HHAT: variants seen among roughly 807,000 people sequenced by gnomAD.
HHAT encodes protein-cysteine N-palmitoyltransferase HHAT.
In HHAT, 47 loss-of-function variants were observed where a neutral mutation model predicts 70.8. That is an observed-to-expected ratio of 0.66 (90% CI 0.53 to 0.85). HHAT has a LOEUF of 0.85. Among genes scored for constraint, HHAT ranks in the 40% least tolerant of loss-of-function variants. The pLI, the probability that HHAT is intolerant of heterozygous loss-of-function variation, is 0.00. For missense variants in HHAT, 609 were observed against 604.8 expected (o/e 1.01, Z -0.07); for synonymous variants, 228 against 247.6 (o/e 0.92, Z 0.74).
chr1:210,362,751 C>G (rs1571886864), intron 2 of HHAT, 101 bp from the exon 3 acceptor site: 19 of 945,354 alleles, frequency 2.0e-5, no homozygotes, highest in African/African-American at 1.6e-5. Flanking sequence ...CCACTGGCTG[C>G]TTTTCCAGGA....
chr1:210,503,084 C>T (rs184655142), intron 8 of HHAT, among the ~76,000 whole-genome samples: 22 of 152,184 alleles, frequency 1.4e-4, no homozygotes, highest in African/African-American at 4.1e-4. Flanking sequence ...CTCAGCCTCC[C>T]GAGTAGCTAG....
chr1:210,432,981 G>C (rs1273212402), intron 7 of HHAT, among the ~76,000 whole-genome samples: 1 of 151,738 alleles, frequency 6.6e-6, no homozygotes, highest in Non-Finnish European at 1.5e-5. Context: ...CTCGATGGCA[G>C]GGCTCTCATT....
At chr1:210,613,037 G>C (rs1232029892) in intron 10 of HHAT, among the ~76,000 whole-genome samples, 1 of 152,112 alleles carries the variant, frequency 6.6e-6, no homozygotes, top group African/African-American at 2.4e-5. Context: ...ATATGTGATT[G>C]CAGATCTTTT....
intron 9 of HHAT, among the ~76,000 whole-genome samples, chr1:210,529,874 G>T (rs2095295552): frequency 1.3e-5 from 2 of 152,194 alleles, no homozygotes; most frequent in East Asian, 3.8e-4. Context: ...CAGGTATTCT[G>T]TGAGTACATG....
At chr1:210,584,807 A>C in intron 9 of HHAT, among the ~76,000 whole-genome samples, 1 of 152,168 alleles carries the variant, frequency 6.6e-6, no homozygotes, top group East Asian at 1.9e-4. Flanking sequence ...TAGCTTAATG[A>C]TGGGAATTGT....
At chr1:210,405,485 G>C (rs911449048) in intron 6 of HHAT, among the ~76,000 whole-genome samples, 11 of 152,128 alleles carry the variant, frequency 7.2e-5, no homozygotes, top group Non-Finnish European at 1.3e-4. Flanking sequence ...TCATAGAGGA[G>C]AAAATAACAT....
chr1:210,355,478 T>C (rs1276108468), intron 2 of HHAT, among the ~76,000 whole-genome samples: 1 of 152,256 alleles, frequency 6.6e-6, no homozygotes, highest in Admixed American at 6.5e-5. Context: ...TACCTATTCC[T>C]TTTTTGACCT....
intron 9 of HHAT, among the ~76,000 whole-genome samples, chr1:210,548,652 C>G (rs957325047): frequency 9.9e-5 from 15 of 152,134 alleles, no homozygotes; most frequent in African/African-American, 3.4e-4. Flanking sequence ...TTATTTGATT[C>G]ATAATTTGAT....
chr1:210,660,551 T>C (rs1677458452), intron 11 of HHAT, among the ~76,000 whole-genome samples: 1 of 152,098 alleles, frequency 6.6e-6, no homozygotes, highest in Non-Finnish European at 1.5e-5. Flanking sequence ...CTTCACAGAA[T>C]TGGAAAAAAC....
chr1:210,489,422 AATAC>A (rs1459484872), intron 8 of HHAT, among the ~76,000 whole-genome samples: 6 of 152,312 alleles, frequency 3.9e-5, no homozygotes, highest in African/African-American at 1.4e-4. Context: ...TACATAATTT[AATAC>A]ATAAATGCTG....
intron 4 of HHAT, among the ~76,000 whole-genome samples, chr1:210,393,773 T>C (rs1464044971): frequency 6.6e-6 from 1 of 152,184 alleles, no homozygotes; most frequent in Non-Finnish European, 1.5e-5. Context: ...TGTATGTGCC[T>C]CTCTCATCCT....
chr1:210,545,996 A>AG (rs2095480123), intron 9 of HHAT, among the ~76,000 whole-genome samples: 1 of 152,170 alleles, frequency 6.6e-6, no homozygotes, highest in South Asian at 2.1e-4. Flanking sequence ...GAAGATCATG[A>AG]GGAAGGGCAT....
chr1:210,562,761 C>T (rs1039660777), intron 9 of HHAT, among the ~76,000 whole-genome samples: 6 of 151,240 alleles, frequency 4.0e-5, no homozygotes, highest in East Asian at 1.9e-4. Context: ...TCCAGTAACT[C>T]GTCATTTAAC....
intron 1 of HHAT, among the ~76,000 whole-genome samples, chr1:210,334,695 AT>A (rs545993287): frequency 0.067 from 9,657 of 144,014 alleles, 339 homozygotes; most frequent in South Asian, 0.097. Context: ...TTTTATTTTT[AT>A]TTTTTTTTTT....
rs973359874 is a variant in HHAT at position 210,349,176 on chromosome 1, G to C, written c.91+110G>C. 3 of 1,172,352 alleles carry C rather than the reference G, an allele frequency of 2.6e-6. No individual in the cohort carries two copies. The South Asian group carries it at 4.6e-5, about 18-fold the overall frequency. The allele number at this position is 1,172,352 out of a possible 1,614,324, so 72.6% of individuals were successfully genotyped here. A position where few individuals can be genotyped will look rare whatever the true frequency, so the allele number is the denominator to read the frequency against. On this transcript the variant is annotated intron_variant, in intron 2 of 11. Coordinates refer to ENST00000261458, the MANE Select transcript of HHAT (RefSeq NM_018194.6). ...TGATCCAATAGTGTCAAGATGATGT[G>C]GGCCTTGATTTGCTTCCCCATGTCT...
chr1:210,649,652 C>T (rs1031741777), intron 11 of HHAT, among the ~76,000 whole-genome samples: 2 of 152,200 alleles, frequency 1.3e-5, no homozygotes, highest in African/African-American at 4.8e-5. Context: ...AGATCAGAGT[C>T]GAGAATGACC....
At chr1:210,344,519 G>C (rs142877768) in intron 1 of HHAT, among the ~76,000 whole-genome samples, 1,579 of 152,268 alleles carry the variant, frequency 0.01, 18 homozygotes, top group African/African-American at 0.033. Flanking sequence ...GGCATCAAAT[G>C]CCTGTTGATG....
At chr1:210,572,812 C>T (rs561318761) in intron 9 of HHAT, among the ~76,000 whole-genome samples, 12 of 152,140 alleles carry the variant, frequency 7.9e-5, no homozygotes, top group Non-Finnish European at 1.8e-4. Flanking sequence ...GGGAGGATCC[C>T]TTGAGCCCAA....
chr1:210,541,572 C>T (rs2095431130), intron 9 of HHAT, among the ~76,000 whole-genome samples: 1 of 152,076 alleles, frequency 6.6e-6, no homozygotes, highest in East Asian at 1.9e-4. Context: ...ACTAAAAATA[C>T]AAAAATTAGC....
Sources: allele counts gnomAD v4.1 joint callset (sites outside exome capture counted in the v4.1 genomes callset), GRCh38; gene constraint gnomAD v4.1.1; transcripts MANE v1.5; gene names NCBI Gene and HGNC (gene_info 2026-07-23, HGNC 2026-07-21).